The following CDC42BPB variants were observed in gnomAD, a reference collection of about 807,000 sequenced individuals.
The protein encoded by CDC42BPB is serine/threonine-protein kinase MRCK beta.
CDC42BPB carries 37 observed loss-of-function variants against 214.9 expected under a neutral mutation model. That is an observed-to-expected ratio of 0.17 (90% confidence interval 0.13 to 0.23). The LOEUF (loss-of-function observed/expected upper bound fraction) is 0.23. Ranked by LOEUF, CDC42BPB falls within the 10% of genes least tolerant of loss-of-function variation. CDC42BPB has a pLI of 1.00. For synonymous variants in CDC42BPB, 931 were observed against 884.0 expected (o/e 1.05, Z -0.94); for missense variants, 1,694 against 2,227.0 (o/e 0.76, Z 4.82).
intron 1 of CDC42BPB, among the ~76,000 whole-genome samples, chr14:103,023,296 T>C (rs1331874666): frequency 6.6e-6 from 1 of 151,764 alleles, no homozygotes; most frequent in Non-Finnish European, 1.5e-5. Flanking sequence ...GCCTCCCGAG[T>C]AGCTGGGATT....
chr14:102,987,409 CAAAG>C (rs962807246), intron 5 of CDC42BPB, among the ~76,000 whole-genome samples: 11 of 152,178 alleles, frequency 7.2e-5, no homozygotes, highest in Non-Finnish European at 1.3e-4. Context: ...ACTTTAAAAA[CAAAG>C]ACAGACATTC....
chr14:103,022,464 G>A (rs7151218), intron 1 of CDC42BPB, among the ~76,000 whole-genome samples: 16,916 of 152,098 alleles, frequency 0.11, 1,105 homozygotes, highest in African/African-American at 0.17. Context: ...TGGGCTCAAC[G>A]GATCCTCCCA....
chr14:102,947,916 T>G, intron 26 of CDC42BPB, 114 bp from the exon 27 acceptor site: 1 of 1,566,640 alleles, frequency 6.4e-7, no homozygotes, highest in Non-Finnish European at 8.6e-7. Context: ...TGTTCTGCAG[T>G]GGAGGGCGGG....
At position 103,004,147 on chromosome 14, in the gene CDC42BPB, C is replaced by T; in HGVS notation, c.352-124G>A. ...CACGGTGTCCCTGCCTTCCGGGCTCCTCCTCGTGCACCACCCCGAGGCTGC... is the reference window on the plus strand; with the variant it reads ...CACGGTGTCCCTGCCTTCCGGGCTCTTCCTCGTGCACCACCCCGAGGCTGC... On this transcript the variant is annotated intron_variant, in intron 3 of 36. Transcript: ENST00000361246. This position sits in a 1 kb window ranked among gnomAD's most constrained non-coding sequence, Gnocchi z 5.3. The T allele has an allele frequency of 1.4e-6, 2 of 1,407,828 alleles. No homozygotes were observed. The highest frequency in any genetic ancestry group is 1.9e-6 in the Non-Finnish European group (2 of 1,075,894). 87.2% of individuals were successfully genotyped at this position (1,407,828 alleles called of 1,614,324 possible).
At chr14:102,969,989 AGG>A (rs1223067644) in intron 14 of CDC42BPB, among the ~76,000 whole-genome samples, 160 bp downstream of exon 14, 1 of 152,272 alleles carries the variant, frequency 6.6e-6, no homozygotes, top group Non-Finnish European at 1.5e-5. Context: ...TCACGAAGGC[AGG>A]GGTCACACCC....
At chr14:102,997,376 C>G (rs530291258) in intron 5 of CDC42BPB, among the ~76,000 whole-genome samples, 78 of 152,292 alleles carry the variant, frequency 5.1e-4, no homozygotes, top group Middle Eastern at 6.8e-3. Flanking sequence ...CATATACCCC[C>G]CTTCCAGCCA....
intron 1 of CDC42BPB, among the ~76,000 whole-genome samples, chr14:103,034,809 C>A (rs1395051280): frequency 6.8e-6 from 1 of 146,038 alleles, no homozygotes; most frequent in Non-Finnish European, 1.5e-5. Context: ...CAGAGTGAGA[C>A]TCCGTCTCCA....
At chr14:102,964,353 T>G (rs968374055) in intron 19 of CDC42BPB, 149 bp downstream of exon 19, 3 of 893,202 alleles carry the variant, frequency 3.4e-6, no homozygotes, top group African/African-American at 3.4e-5. Flanking sequence ...CTCCTGCAGG[T>G]GAACCCGACG....
chr14:102,949,998 G>A (rs1892411117), intron 25 of CDC42BPB, 94 bp from the exon 26 acceptor site: 1 of 1,563,844 alleles, frequency 6.4e-7, no homozygotes, highest in Admixed American at 1.8e-5. Flanking sequence ...CCAGCTGCCA[G>A]GCTGGCGGCA....
At chr14:102,935,421 T>A (rs1891605518) in intron 36 of CDC42BPB, among the ~76,000 whole-genome samples, 1 of 152,188 alleles carries the variant, frequency 6.6e-6, no homozygotes, top group Non-Finnish European at 1.5e-5. Flanking sequence ...CACTATAAAT[T>A]ACAAAACATT....
At chr14:103,041,596 C>T (rs968946603) in intron 1 of CDC42BPB, 21 of 924,232 alleles carry the variant, frequency 2.3e-5, no homozygotes, top group Non-Finnish European at 3.6e-5. Flanking sequence ...TAAAGTGCCC[C>T]ACATTGCCCT....
rs143651839 is a variant in CDC42BPB at position 103,035,058 on chromosome 14, T to C, written c.175+21941A>G. ...TAGGGGCAACTAGCAATTAATTCTA[T>C]ACTTTTTTTTTTTTTGAGACGGAGT... On this transcript the variant is annotated intron_variant, in intron 1 of 36. Transcript: ENST00000361246. 4.0e-3 allele frequency among the ~76,000 whole-genome samples: 581 copies of C among 146,910 alleles called. 3 individuals carry two copies. The highest frequency in any genetic ancestry group is 0.013 in the African/African-American group (488 of 37,214).
intron 26 of CDC42BPB, among the ~76,000 whole-genome samples, chr14:102,948,125 G>A (rs1197348702): frequency 2.1e-5 from 2 of 93,184 alleles, no homozygotes; most frequent in African/African-American, 4.6e-5. Flanking sequence ...ACAGCCAAGT[G>A]CAGAGGACAA....
At chr14:102,940,419 C>T in intron 30 of CDC42BPB, 95 bp from the exon 31 acceptor site, 1 of 1,534,052 alleles carries the variant, frequency 6.5e-7, no homozygotes, top group Non-Finnish European at 8.8e-7. Context: ...TGAACAAGTG[C>T]AGAGGCGGCA....
At position 103,057,075 on chromosome 14, in the gene CDC42BPB, C is replaced by G; in HGVS notation, c.99G>C (p.Val33=). ...TGCACTCGGTGTACAGGCAGACGAGCACGTCGAGCAGCGTTTCCACGCTCA... is the reference window on the plus strand; with the variant it reads ...TGCACTCGGTGTACAGGCAGACGAGGACGTCGAGCAGCGTTTCCACGCTCA... ...SALSVETLLD[V]LVCLYTECSH... is the part of the protein sequence containing the mutation. The change falls in exon 1 of 37, where the codon GTG becomes GTC. Residue 33 remains valine, a synonymous_variant. Transcript: ENST00000361246. The G allele has an allele frequency of 1.3e-6, 2 of 1,525,304 alleles. No individual in the cohort carries two copies. The highest frequency in any genetic ancestry group is 1.8e-6 in the Non-Finnish European group (2 of 1,141,280). 94.5% of individuals were successfully genotyped at this position (1,525,304 alleles called of 1,614,324 possible).
rs762300019 is a variant in CDC42BPB at position 102,940,347 on chromosome 14, G to C, written c.4409-23C>G. 7 of 1,553,762 alleles carry C rather than the reference G, an allele frequency of 4.5e-6. No individual in the cohort carries two copies. In the South Asian group the frequency reaches 8.3e-5, roughly 18 times the overall value. On this transcript the variant is annotated intron_variant, in intron 30 of 36. Transcript: ENST00000361246. ...AACCTAGCGCAGACGGAGCAGGGCG[G>C]GGTGAGCCACAGTGGCTCAGGAACT... is the stretch of plus-strand genomic sequence containing the variant.
chr14:103,013,626 G>A (rs1390016423), intron 1 of CDC42BPB, among the ~76,000 whole-genome samples: 3 of 152,242 alleles, frequency 2.0e-5, no homozygotes, highest in Non-Finnish European at 2.9e-5. Flanking sequence ...TAAAAGGAGA[G>A]AAGTCAGACT....
At chr14:103,048,426 C>T (rs1159646812) in intron 1 of CDC42BPB, among the ~76,000 whole-genome samples, 1 of 150,258 alleles carries the variant, frequency 6.7e-6, no homozygotes, top group African/African-American at 2.5e-5. Flanking sequence ...CGGTAGCTCA[C>T]GCCTATAATC....
intron 1 of CDC42BPB, among the ~76,000 whole-genome samples, chr14:103,032,432 T>C (rs1475884743): frequency 6.6e-6 from 1 of 150,460 alleles, no homozygotes; most frequent in Non-Finnish European, 1.5e-5. Context: ...AGTATAGGAA[T>C]GATCTGTCAA....
Sources: gnomAD v4.1 joint callset for allele counts (sites outside exome capture counted in the v4.1 genomes callset) on GRCh38, gnomAD v4.1.1 for gene constraint, Gnocchi (gnomAD v3.1) non-coding constraint, MANE v1.5 for transcripts, NCBI Gene and HGNC (gene_info 2026-07-23, HGNC 2026-07-21) for gene names.